Variants in MAGI2 observed in about 807,000 individuals in gnomAD.
The protein encoded by MAGI2 is membrane-associated guanylate kinase, WW and PDZ domain-containing protein 2.
In MAGI2, 35 loss-of-function variants were observed where a neutral mutation model predicts 133.3. The ratio of observed to expected loss-of-function variants is 0.26; its 90% CI spans 0.20 to 0.35. The LOEUF (loss-of-function observed/expected upper bound fraction) is 0.35. Among genes scored for constraint, MAGI2 ranks in the 10% least tolerant of loss-of-function variants. The pLI, the probability that MAGI2 is intolerant of heterozygous loss-of-function variation, is 1.00. For missense variants in MAGI2, 1,636 were observed against 1,863.4 expected, an observed-to-expected ratio of 0.88 and a Z score of 2.25; for synonymous variants, 729 against 710.6, an observed-to-expected ratio of 1.03 and a Z score of -0.41.
chr7:78,374,069 C>G (rs891558623), intron 6 of MAGI2, among the ~76,000 whole-genome samples: 1 of 152,074 alleles, frequency 6.6e-6, no homozygotes, highest in Non-Finnish European at 1.5e-5. Context: ...TATGTGAGTG[C>G]GTGTGTCTTT....
chr7:78,327,431 T>C (rs1228421848), intron 9 of MAGI2, among the ~76,000 whole-genome samples: 1 of 152,228 alleles, frequency 6.6e-6, no homozygotes, highest in Non-Finnish European at 1.5e-5. Context: ...TCTTACAGGC[T>C]ACCCCAATTT....
chr7:79,206,090 G>A (rs1461356311), intron 1 of MAGI2, among the ~76,000 whole-genome samples: 1 of 151,222 alleles, frequency 6.6e-6, no homozygotes, highest in Non-Finnish European at 1.5e-5. Context: ...ATATGAGAGG[G>A]AAGTTTACAG....
At chr7:78,247,285 C>G (rs117453593) in intron 10 of MAGI2, among the ~76,000 whole-genome samples, 2 of 152,024 alleles carry the variant, frequency 1.3e-5, no homozygotes, top group African/African-American at 4.8e-5. Context: ...GAGACATCAT[C>G]GCAAATGTTA....
intron 1 of MAGI2, among the ~76,000 whole-genome samples, chr7:79,191,107 C>T (rs1827616518): frequency 6.6e-6 from 1 of 151,600 alleles, no homozygotes; most frequent in South Asian, 2.1e-4. Flanking sequence ...CTGAGTAGGG[C>T]AAATTCATCT....
At chr7:79,235,375 G>A (rs1298297142) in intron 1 of MAGI2, among the ~76,000 whole-genome samples, 3 of 152,112 alleles carry the variant, frequency 2.0e-5, no homozygotes, top group African/African-American at 4.8e-5. Context: ...GGGCAATGGC[G>A]GGCGCCCCTC....
intron 10 of MAGI2, among the ~76,000 whole-genome samples, chr7:78,244,197 A>C (rs931016945): frequency 6.7e-6 from 1 of 150,102 alleles, no homozygotes; most frequent in Non-Finnish European, 1.5e-5. Flanking sequence ...AAAAAAAGAA[A>C]AAGAAATGGG....
At chr7:78,853,306 G>A (rs996478353) in intron 2 of MAGI2, among the ~76,000 whole-genome samples, 5 of 121,568 alleles carry the variant, frequency 4.1e-5, no homozygotes, top group African/African-American at 6.4e-5. Context: ...TAAGAATAAC[G>A]CTCATATTAC....
At chr7:78,051,574 G>A (rs1457204757) in intron 21 of MAGI2, among the ~76,000 whole-genome samples, 1 of 152,138 alleles carries the variant, frequency 6.6e-6, no homozygotes, top group African/African-American at 2.4e-5. Context: ...GCTGGGTGTG[G>A]AGATGCTATA....
chr7:78,731,850 CAA>C (rs1431251781), intron 2 of MAGI2, among the ~76,000 whole-genome samples: 1 of 152,020 alleles, frequency 6.6e-6, no homozygotes, highest in South Asian at 2.1e-4. Context: ...TAGGATCTGA[CAA>C]AAGTCATACA....
chr7:78,573,076 T>TACACACACACACAC (rs1217454892), intron 3 of MAGI2, among the ~76,000 whole-genome samples: 1 of 52,578 alleles, frequency 1.9e-5, no homozygotes, highest in African/African-American at 9.4e-5. Flanking sequence ...TATATATATA[T>TACACACACACACAC]ACACACACAC....
intron 2 of MAGI2, among the ~76,000 whole-genome samples, chr7:78,661,830 A>C (rs1035509754): frequency 2.0e-5 from 3 of 152,228 alleles, no homozygotes; most frequent in African/African-American, 7.2e-5. Context: ...ACTCAAAAGA[A>C]GACTCAGAGT....
chr7:78,071,182 C>T (rs576268839), intron 21 of MAGI2, among the ~76,000 whole-genome samples: 71 of 152,266 alleles, frequency 4.7e-4, no homozygotes, highest in African/African-American at 1.6e-3. Flanking sequence ...AAATCACTTA[C>T]GATAACAAAT....
intron 1 of MAGI2, among the ~76,000 whole-genome samples, chr7:79,091,008 T>G (rs574712997): frequency 1.3e-5 from 2 of 152,238 alleles, no homozygotes; most frequent in South Asian, 4.1e-4. Flanking sequence ...TTTTTTCCTT[T>G]ATAAAACTCT....
At chr7:79,150,999 T>C (rs1467829814) in intron 1 of MAGI2, among the ~76,000 whole-genome samples, 2 of 151,968 alleles carry the variant, frequency 1.3e-5, no homozygotes, top group East Asian at 3.8e-4. Context: ...GTTTGTTTGT[T>C]TTGTTTTGTT....
At chr7:78,085,355 C>T (rs540606345) in intron 20 of MAGI2, among the ~76,000 whole-genome samples, 1 of 151,848 alleles carries the variant, frequency 6.6e-6, no homozygotes, top group Non-Finnish European at 1.5e-5. Context: ...ATGGCAAAAC[C>T]CGCATCTCTA....
At chr7:79,065,347 G>A (rs1814196373) in intron 1 of MAGI2, among the ~76,000 whole-genome samples, 1 of 152,042 alleles carries the variant, frequency 6.6e-6, no homozygotes, top group Admixed American at 6.6e-5. Flanking sequence ...CTGCTAGAGG[G>A]CAGGAAGAAT....
intron 16 of MAGI2, among the ~76,000 whole-genome samples, chr7:78,138,147 T>C (rs968374805): frequency 4.6e-5 from 7 of 152,324 alleles, no homozygotes; most frequent in African/African-American, 1.7e-4. Context: ...CTGCATCTCT[T>C]GACTTTTCTG....
chr7:78,198,435 T>C (rs1828928350), intron 11 of MAGI2, among the ~76,000 whole-genome samples: 1 of 149,034 alleles, frequency 6.7e-6, no homozygotes, highest in Admixed American at 6.7e-5. Context: ...GCCGTTTTTT[T>C]TTTTTTTTTT....
At chr7:78,386,344 G>A (rs1375188329) in intron 6 of MAGI2, among the ~76,000 whole-genome samples, 2 of 152,110 alleles carry the variant, frequency 1.3e-5, no homozygotes, top group Non-Finnish European at 2.9e-5. Context: ...AGAAGGAAAC[G>A]AAGGAACATG....
Sources: gnomAD v4.1 joint callset for allele counts (sites outside exome capture counted in the v4.1 genomes callset) on GRCh38, gnomAD v4.1.1 for gene constraint, MANE v1.5 for transcripts, NCBI Gene and HGNC (gene_info 2026-07-23, HGNC 2026-07-21) for gene names.